Variants in CSMD2 observed in about 807,000 individuals in gnomAD.
CSMD2 encodes CUB and Sushi multiple domains 2.
Under a neutral mutation model 398.5 loss-of-function variants are expected in CSMD2, and 130 were observed. The observed-to-expected ratio is 0.33, with a 90% confidence interval of 0.28 to 0.38. CSMD2 has a LOEUF of 0.38. Ranked by LOEUF, CSMD2 falls within the 10% of genes least tolerant of loss-of-function variation. The pLI is 1.00. For missense variants in CSMD2, 3,829 were observed against 4,764.9 expected (o/e 0.80, Z 5.78); for synonymous variants, 1,828 against 1,908.5 (o/e 0.96, Z 1.10).
chr1:34,135,835 T>G (rs1638699818), intron 1 of CSMD2, among the ~76,000 whole-genome samples: 2 of 152,088 alleles, frequency 1.3e-5, no homozygotes, highest in African/African-American at 4.8e-5. Context: ...TGTGTTCCAT[T>G]TACATTTTCT....
At chr1:33,677,882 C>G (rs549893533) in intron 25 of CSMD2, among the ~76,000 whole-genome samples, 10 of 144,744 alleles carry the variant, frequency 6.9e-5, no homozygotes, top group African/African-American at 1.5e-4. Flanking sequence ...ACCGCATGTT[C>G]TCACTCACAG....
At position 33,574,954 on chromosome 1, in the gene CSMD2, G is replaced by C. The variant is rs79606612; in HGVS notation, c.7577-2263C>G. 8.4e-3 allele frequency among the ~76,000 whole-genome samples: 1,277 copies of C among 152,344 alleles called. 12 individuals carry two copies. The highest frequency in any genetic ancestry group is 0.029 in the African/African-American group (1,190 of 41,576). Reference sequence around the variant, plus strand: ...GGAGAGTCAATCCAGGGAGGGCAGTGAAGGAAGTGGGCGGCAGCCACTTCT... The same window carrying C: ...GGAGAGTCAATCCAGGGAGGGCAGTCAAGGAAGTGGGCGGCAGCCACTTCT... On this transcript the variant is annotated intron_variant, in intron 49 of 70. Transcript: ENST00000373381.
intron 29 of CSMD2, among the ~76,000 whole-genome samples, chr1:33,646,172 T>C (rs1288066750): frequency 6.6e-6 from 1 of 152,090 alleles, no homozygotes; most frequent in African/African-American, 2.4e-5. Flanking sequence ...CCAAGGAGTG[T>C]CCTTGGGACA....
intron 2 of CSMD2, among the ~76,000 whole-genome samples, chr1:34,053,038 A>G (rs1653392442): frequency 6.6e-6 from 1 of 152,138 alleles, no homozygotes; most frequent in Admixed American, 6.5e-5. Flanking sequence ...TGGCTTTGGA[A>G]GGAAGAGGGT....
At chr1:33,541,575 T>C (rs748566594) in intron 58 of CSMD2, among the ~76,000 whole-genome samples, 11 of 152,188 alleles carry the variant, frequency 7.2e-5, no homozygotes, top group Non-Finnish European at 1.6e-4. Flanking sequence ...CATGCAATCC[T>C]CCCACCTCAG....
intron 5 of CSMD2, among the ~76,000 whole-genome samples, chr1:33,853,644 T>C (rs1309502763): frequency 6.9e-6 from 1 of 145,778 alleles, no homozygotes; most frequent in Non-Finnish European, 1.5e-5. Context: ...TGCACAGGCA[T>C]TGAGGGTGGG....
chr1:33,883,005 T>C (rs1641339894), intron 5 of CSMD2, among the ~76,000 whole-genome samples: 1 of 152,162 alleles, frequency 6.6e-6, no homozygotes, highest in South Asian at 2.1e-4. Context: ...AAATTCTCTC[T>C]ACCACACCAG....
chr1:33,963,420 T>C (rs554731740), intron 3 of CSMD2, among the ~76,000 whole-genome samples: 1 of 152,376 alleles, frequency 6.6e-6, no homozygotes, highest in South Asian at 2.1e-4. Context: ...CACTTTATTT[T>C]AACAACAAAT....
intron 3 of CSMD2, among the ~76,000 whole-genome samples, chr1:33,951,504 A>G (rs1645006578): frequency 1.3e-5 from 2 of 152,164 alleles, no homozygotes; most frequent in Non-Finnish European, 2.9e-5. Flanking sequence ...GTGTCAAGCA[A>G]TTATGCCAGC....
intron 6 of CSMD2, among the ~76,000 whole-genome samples, chr1:33,846,619 G>A (rs533825202): frequency 2.0e-5 from 3 of 152,332 alleles, no homozygotes; most frequent in South Asian, 4.1e-4. Flanking sequence ...CTCTTAGCAG[G>A]CATCTGGTAT....
At chr1:33,953,379 T>G (rs1645067035) in intron 3 of CSMD2, among the ~76,000 whole-genome samples, 1 of 152,152 alleles carries the variant, frequency 6.6e-6, no homozygotes, top group Non-Finnish European at 1.5e-5. Context: ...CAGAACCAGC[T>G]TCTCTCACAT....
chr1:33,928,790 C>T (rs139635395), intron 4 of CSMD2, among the ~76,000 whole-genome samples: 1 of 152,356 alleles, frequency 6.6e-6, no homozygotes, highest in East Asian at 1.9e-4. Flanking sequence ...CTCAGAATCA[C>T]TCAAGGTGCA....
chr1:33,900,037 G>T (rs902394910), intron 5 of CSMD2, among the ~76,000 whole-genome samples: 1 of 152,202 alleles, frequency 6.6e-6, no homozygotes, highest in Non-Finnish European at 1.5e-5. Context: ...CATATGCTGG[G>T]AGGCTCTGGG....
rs191660175 is a variant in CSMD2 at position 33,960,716 on chromosome 1, C to T, written c.518-24762G>A. ...AACCTTTCTGAGCTCAGGAATCAGA[C>T]GCCTCCTCTCCCAGCTAACAGGATC... On this transcript the variant is annotated intron_variant, in intron 3 of 70. Transcript: ENST00000373381. Among the ~76,000 whole-genome samples, 8 of 152,334 alleles carry T rather than the reference C, an allele frequency of 5.3e-5. No homozygotes were observed. In the East Asian group the frequency reaches 9.7e-4, roughly 18 times the overall value.
chr1:33,973,090 G>A (rs182946883), intron 3 of CSMD2, among the ~76,000 whole-genome samples: 3 of 152,224 alleles, frequency 2.0e-5, no homozygotes, highest in Non-Finnish European at 4.4e-5. Flanking sequence ...CCAGACCCAG[G>A]CCCTGTCTTT....
At chr1:34,148,757 GACGAA>G (rs1640017078) in intron 1 of CSMD2, among the ~76,000 whole-genome samples, 1 of 152,194 alleles carries the variant, frequency 6.6e-6, no homozygotes, top group African/African-American at 2.4e-5. Flanking sequence ...AATGAACTAG[GACGAA>G]GGTTTGCTGG....
rs1365474570 is a variant in CSMD2 at position 33,908,295 on chromosome 1, GC to G, written c.920+9798del. ...ACATGAAAACAGAGACCAGGAGGGG[GC>G]CTTGAACATTCAGAATGAAGCAACA... On this transcript the variant is annotated intron_variant, in intron 5 of 70. Transcript: ENST00000373381. Among the ~76,000 whole-genome samples the G allele has an allele frequency of 5.3e-5, 8 of 152,278 alleles. No homozygotes were observed. The East Asian group carries it at 1.5e-3, about 29-fold the overall frequency.
At chr1:33,937,056 G>A (rs998374905) in intron 3 of CSMD2, among the ~76,000 whole-genome samples, 1 of 152,146 alleles carries the variant, frequency 6.6e-6, no homozygotes, top group Admixed American at 6.5e-5. Context: ...TTGCACTTTA[G>A]TTTCCTCATT....
chr1:33,702,482 A>C (rs539827707), intron 22 of CSMD2, among the ~76,000 whole-genome samples: 46 of 152,322 alleles, frequency 3.0e-4, no homozygotes, highest in African/African-American at 1.1e-3. Flanking sequence ...ATAAAACAGA[A>C]ATGTGCAAAT....
Sources: allele counts gnomAD v4.1 joint callset (sites outside exome capture counted in the v4.1 genomes callset), GRCh38; gene constraint gnomAD v4.1.1; transcripts MANE v1.5; gene names NCBI Gene and HGNC (gene_info 2026-07-23, HGNC 2026-07-21).